Variants in MYO5C observed in about 807,000 individuals in gnomAD.
MYO5C encodes myosin VC, also known as unconventional myosin-Vc.
MYO5C carries 194 observed loss-of-function variants against 235.7 expected under a neutral mutation model. The observed-to-expected ratio is 0.82, with a 90% CI of 0.73 to 0.93. The LOEUF is 0.93. MYO5C is among the 40% of genes least tolerant of loss of function. MYO5C has a pLI of 0.00. For synonymous variants in MYO5C, 707 were observed against 754.8 expected (o/e 0.94, Z 1.04); for missense variants, 2,038 against 2,127.2 (o/e 0.96, Z 0.82).
chr15:52,235,832 C>T lies in MYO5C; in HGVS notation c.2869-69G>A, dbSNP rs925321891. ...ACTTCAAGTTGTCACCATTGCCTTT[C>T]TTCACAAAAAGATGTATATTCTTAA... On this transcript the variant is annotated intron_variant, in intron 22 of 40. Transcript: ENST00000261839. 2.3e-5 allele frequency: 23 copies of T among 988,190 alleles called. No individual in the cohort carries two copies. In the African/African-American group the frequency reaches 3.7e-4, roughly 16 times the overall value. The allele number at this position is 988,190 out of a possible 1,614,324, so 61.2% of individuals were successfully genotyped here.
At chr15:52,251,728 G>A (rs1213316192) in intron 12 of MYO5C, among the ~76,000 whole-genome samples, 2 of 151,792 alleles carry the variant, frequency 1.3e-5, no homozygotes, top group African/African-American at 2.4e-5. Flanking sequence ...GTGATGACGC[G>A]ATCTTGGCTC....
rs770862379 is a variant in MYO5C at position 52,211,926 on chromosome 15, A to G, written c.4142-42T>C. 5 of 1,596,810 alleles carry G rather than the reference A, an allele frequency of 3.1e-6. No individual in the cohort carries two copies. In the Admixed American group the frequency reaches 5.1e-5, roughly 16 times the overall value. ...CAATGAGGATTACAGCTGACAGGTC[A>G]GCTCTTCTCCTAAGGAACTTGTGAC... On this transcript the variant is annotated intron_variant, in intron 34 of 40. Coordinates refer to ENST00000261839, the MANE Select transcript of MYO5C (RefSeq NM_018728.4).
intron 10 of MYO5C, among the ~76,000 whole-genome samples, chr15:52,260,487 C>A (rs2036670645): frequency 6.6e-6 from 1 of 152,214 alleles, no homozygotes; most frequent in Admixed American, 6.5e-5. Context: ...GTGCTGGGTT[C>A]TCCCACCAGC....
chr15:52,227,857 G>A (rs1022181089), intron 25 of MYO5C, among the ~76,000 whole-genome samples: 2 of 152,194 alleles, frequency 1.3e-5, no homozygotes, highest in African/African-American at 4.8e-5. Context: ...CGCATGGCTA[G>A]TTCATGACAA....
chr15:52,275,767 G>T (rs142778114), intron 4 of MYO5C, 49 bp from the exon 5 acceptor site: 2 of 1,573,934 alleles, frequency 1.3e-6, no homozygotes, highest in Non-Finnish European at 1.7e-6. Context: ...CATTAAAGAG[G>T]CAACATGTGC....
chr15:52,209,594 G>T (rs1048720766), intron 35 of MYO5C, among the ~76,000 whole-genome samples: 6 of 152,174 alleles, frequency 3.9e-5, no homozygotes, highest in Non-Finnish European at 8.8e-5. Flanking sequence ...GGGTCTTATA[G>T]TCCTCATACC....
intron 24 of MYO5C, among the ~76,000 whole-genome samples, chr15:52,230,950 C>A (rs1303810559): frequency 6.6e-6 from 1 of 151,732 alleles, no homozygotes; most frequent in East Asian, 1.9e-4. Context: ...GCCTCAGCCT[C>A]CCAAGTAGCT....
intron 24 of MYO5C, among the ~76,000 whole-genome samples, chr15:52,231,848 G>A (rs972573937): frequency 6.6e-6 from 1 of 152,212 alleles, no homozygotes; most frequent in African/African-American, 2.4e-5. Context: ...AGTCCTTGGA[G>A]GTTAGCAAAG....
intron 25 of MYO5C, among the ~76,000 whole-genome samples, chr15:52,228,259 TC>T (rs2035873211): frequency 6.6e-6 from 1 of 152,084 alleles, no homozygotes; most frequent in Non-Finnish European, 1.5e-5. Context: ...TTCTCCTGCC[TC>T]AGCCTCCTGA....
chr15:52,280,933 G>A (rs1596229122), intron 2 of MYO5C, among the ~76,000 whole-genome samples: 1 of 152,174 alleles, frequency 6.6e-6, no homozygotes. Context: ...TGCATAAAGC[G>A]AGCAGCTCAG....
rs1374665619 is a variant in MYO5C, at chr15:52,261,085, G to A, written c.1090C>T (p.Leu364=). The part of the protein sequence containing the change: ...HLKVFCELLG[L]ESGRVAQWLC... The stretch of plus-strand genomic sequence containing the variant: ...CACTGAGCAACTCTGCCACTCTCCA[G>A]GCCCAGGAGCTCACAGAACACCTTC... The change falls in exon 10 of 41, where the codon CTG becomes TTG. Residue 364 remains leucine (L), a synonymous_variant. Transcript: ENST00000261839. 1.9e-6 allele frequency: 3 copies of A among 1,614,210 alleles called. No individual in the cohort carries two copies.
intron 1 of MYO5C, among the ~76,000 whole-genome samples, chr15:52,290,057 A>G (rs2037354359): frequency 6.6e-6 from 1 of 152,044 alleles, no homozygotes; most frequent in Non-Finnish European, 1.5e-5. Flanking sequence ...CTTGCCATCT[A>G]GCAGAGCTGG....
chr15:52,255,514 C>T (rs1165723380), intron 11 of MYO5C, among the ~76,000 whole-genome samples: 1 of 151,944 alleles, frequency 6.6e-6, no homozygotes, highest in African/African-American at 2.4e-5. Context: ...AGAAACAGAG[C>T]CAAATATAAA....
At chr15:52,287,243 C>T (rs998727600) in intron 1 of MYO5C, among the ~76,000 whole-genome samples, 2 of 152,138 alleles carry the variant, frequency 1.3e-5, no homozygotes, top group African/African-American at 4.8e-5. Flanking sequence ...AATGACCTGG[C>T]AGGCAGTGAC....
intron 38 of MYO5C, among the ~76,000 whole-genome samples, chr15:52,204,101 T>C (rs1363450534): frequency 6.6e-6 from 1 of 152,164 alleles, no homozygotes; most frequent in East Asian, 1.9e-4. Context: ...TCAGGGTCCA[T>C]GGTGTCTCAA....
intron 9 of MYO5C, among the ~76,000 whole-genome samples, chr15:52,261,477 G>A (rs2036693092): frequency 6.6e-6 from 1 of 152,254 alleles, no homozygotes. Context: ...GGATGTGGAT[G>A]CAGCCCTCTC....
At chr15:52,238,121 G>A (rs1416817111) in intron 21 of MYO5C, among the ~76,000 whole-genome samples, 1 of 152,158 alleles carries the variant, frequency 6.6e-6, no homozygotes, top group Admixed American at 6.5e-5. Context: ...TGAAGACAGA[G>A]GGAGGTGGCA....
intron 33 of MYO5C, 169 bp from the exon 34 acceptor site, chr15:52,213,455 T>A (rs766080556): frequency 1.8e-6 from 1 of 566,650 alleles, no homozygotes; most frequent in Non-Finnish European, 3.2e-6. Flanking sequence ...CTCCAAGTAG[T>A]GATTCCTCTT....
intron 5 of MYO5C, among the ~76,000 whole-genome samples, chr15:52,273,867 C>T (rs543003559): frequency 6.6e-6 from 1 of 152,230 alleles, no homozygotes; most frequent in African/African-American, 2.4e-5. Context: ...ATTCAGGCCC[C>T]AAATACCTAT....
Sources: allele counts gnomAD v4.1 joint callset (sites outside exome capture counted in the v4.1 genomes callset), GRCh38; gene constraint gnomAD v4.1.1; transcripts MANE v1.5; gene names NCBI Gene and HGNC (gene_info 2026-07-23, HGNC 2026-07-21).